The following GULP1 variants were observed in gnomAD, a reference collection of about 807,000 sequenced individuals.
GULP1 encodes GULP PTB domain containing engulfment adaptor 1, also known as PTB domain-containing engulfment adapter protein 1.
A neutral mutation model predicts 40.9 loss-of-function variants in GULP1; 19 were observed. The observed-to-expected ratio is 0.46, with a 90% CI of 0.32 to 0.68. The LOEUF is 0.68. GULP1 is among the 30% of genes least tolerant of loss of function. GULP1 has a pLI of 0.03. For synonymous variants in GULP1, 119 were observed against 117.6 expected (o/e 1.01, Z -0.08); for missense variants, 312 against 362.2 (o/e 0.86, Z 1.12).
chr2:188,361,118 G>A (rs2046021185), intron 1 of GULP1, among the ~76,000 whole-genome samples: 1 of 152,120 alleles, frequency 6.6e-6, no homozygotes, highest in Non-Finnish European at 1.5e-5. Context: ...CGTGCAGCAT[G>A]TAAAATACGT....
At chr2:188,573,350 C>A (rs751213065) in intron 9 of GULP1, among the ~76,000 whole-genome samples, 1 of 152,022 alleles carries the variant, frequency 6.6e-6, no homozygotes, top group Admixed American at 6.6e-5. Flanking sequence ...TAGTTACCTG[C>A]AATTATTTTT....
At chr2:188,365,305 T>C (rs2046642023) in intron 1 of GULP1, among the ~76,000 whole-genome samples, 1 of 152,150 alleles carries the variant, frequency 6.6e-6, no homozygotes, top group African/African-American at 2.4e-5. Flanking sequence ...AAGGTTAATC[T>C]TGTAAGGGAT....
chr2:188,316,086 C>T (rs2039032045), intron 1 of GULP1, among the ~76,000 whole-genome samples: 1 of 152,062 alleles, frequency 6.6e-6, no homozygotes. Flanking sequence ...GATATTTGAT[C>T]TACAGTTAGA....
At chr2:188,301,463 T>C (rs1445489086) in intron 1 of GULP1, among the ~76,000 whole-genome samples, 11 of 152,214 alleles carry the variant, frequency 7.2e-5, no homozygotes, top group Non-Finnish European at 1.3e-4. Flanking sequence ...ACCTTCCTTG[T>C]ACTGTGGCAT....
rs191316878 is a variant in GULP1, at chr2:188,434,583, T to C, written c.-44-43076T>C. On this transcript the variant is annotated intron_variant, in intron 2 of 11. Transcript: ENST00000409830. ...ACATCCTTTTGAATCATTTTTCTTC[T>C]TTTTTTATTTGAACATTTTCTTATG... 3.6e-3 allele frequency among the ~76,000 whole-genome samples: 542 copies of C among 151,884 alleles called. 4 individuals carry two copies. Among genetic ancestry groups the C allele is most frequent in the African/African-American group, 0.012 (515 of 41,540 alleles).
chr2:188,569,137 G>A, intron 7 of GULP1, 102 bp from the exon 8 acceptor site: 1 of 694,368 alleles, frequency 1.4e-6, no homozygotes, highest in Admixed American at 2.1e-5. Context: ...AGTACCTCTT[G>A]TGAATGTCTT....
At chr2:188,293,414 C>G (rs2034222905) in intron 1 of GULP1, among the ~76,000 whole-genome samples, 1 of 152,202 alleles carries the variant, frequency 6.6e-6, no homozygotes, top group African/African-American at 2.4e-5. Context: ...ATGTTCAAGT[C>G]ATGACTGATT....
intron 2 of GULP1, among the ~76,000 whole-genome samples, chr2:188,412,053 C>A (rs1416577113): frequency 3.9e-5 from 6 of 152,132 alleles, no homozygotes; most frequent in Non-Finnish European, 5.9e-5. Flanking sequence ...ATACCATGAG[C>A]CTTTGAACCA....
intron 9 of GULP1, among the ~76,000 whole-genome samples, chr2:188,578,871 G>A (rs1700699144): frequency 6.6e-6 from 1 of 152,010 alleles, no homozygotes; most frequent in Non-Finnish European, 1.5e-5. Context: ...TCTCAACAAT[G>A]TATTTAATTA....
intron 1 of GULP1, among the ~76,000 whole-genome samples, chr2:188,337,556 A>C (rs2042436655): frequency 6.6e-6 from 1 of 151,614 alleles, no homozygotes; most frequent in South Asian, 2.1e-4. Context: ...AGGCCCATGC[A>C]ATAAATCCGG....
chr2:188,587,645 A>C (rs570744196), intron 10 of GULP1, among the ~76,000 whole-genome samples: 1 of 152,294 alleles, frequency 6.6e-6, no homozygotes, highest in East Asian at 1.9e-4. Flanking sequence ...TCTTTATAAT[A>C]AAACTTTTTA....
chr2:188,388,980 A>G (rs2050163506), intron 2 of GULP1, among the ~76,000 whole-genome samples: 2 of 152,234 alleles, frequency 1.3e-5, no homozygotes, highest in South Asian at 4.1e-4. Flanking sequence ...TCAGGAAGAA[A>G]CAATAGAAGC....
chr2:188,582,671 A>G (rs1701562146), intron 9 of GULP1: 1 of 381,498 alleles, frequency 2.6e-6, no homozygotes, highest in South Asian at 2.0e-5. Context: ...ATGTATCTTG[A>G]GTCAATGTGA....
chr2:188,559,376 T>A (rs745822419), intron 7 of GULP1, among the ~76,000 whole-genome samples: 1 of 152,196 alleles, frequency 6.6e-6, no homozygotes, highest in Non-Finnish European at 1.5e-5. Flanking sequence ...TGAGAACCTC[T>A]ACCTAGATTT....
intron 2 of GULP1, among the ~76,000 whole-genome samples, chr2:188,476,921 T>C (rs1026999691): frequency 3.3e-5 from 5 of 152,108 alleles, no homozygotes; most frequent in Non-Finnish European, 5.9e-5. Flanking sequence ...CACGAAGTCA[T>C]TAAATATATA....
chr2:188,310,913 A>G (rs370756419), intron 1 of GULP1, among the ~76,000 whole-genome samples: 2 of 152,244 alleles, frequency 1.3e-5, no homozygotes. Context: ...AACTTGAAAA[A>G]TATTTTAATA....
chr2:188,590,568 T>C (rs1468770686), intron 11 of GULP1: 1 of 152,180 alleles, frequency 6.6e-6, no homozygotes, highest in African/African-American at 2.4e-5. Flanking sequence ...AAGTTTGAAA[T>C]CACAGAAACA....
intron 2 of GULP1, among the ~76,000 whole-genome samples, chr2:188,431,524 A>G (rs901312848): frequency 1.3e-5 from 2 of 152,196 alleles, no homozygotes; most frequent in African/African-American, 4.8e-5. Context: ...CACGAAGAGT[A>G]ATTGTAAAAG....
intron 1 of GULP1, among the ~76,000 whole-genome samples, chr2:188,342,811 T>C (rs1242346818): frequency 6.6e-6 from 1 of 152,206 alleles, no homozygotes; most frequent in Non-Finnish European, 1.5e-5. Flanking sequence ...TCTATATCTT[T>C]CTGTTATTCC....
Sources: gnomAD v4.1 joint callset for allele counts (sites outside exome capture counted in the v4.1 genomes callset) on GRCh38, gnomAD v4.1.1 for gene constraint, MANE v1.5 for transcripts, NCBI Gene and HGNC (gene_info 2026-07-23, HGNC 2026-07-21) for gene names.